Variants in NIBAN1 observed in about 807,000 individuals in gnomAD.
NIBAN1 encodes niban apoptosis regulator 1.
In NIBAN1, 81 loss-of-function variants were observed where a neutral mutation model predicts 75.1. The ratio of observed to expected loss-of-function variants is 1.08; its 90% confidence interval spans 0.90 to 1.30. The LOEUF (loss-of-function observed/expected upper bound fraction) is 1.30. Ranked by LOEUF, NIBAN1 falls within the 50% of genes most tolerant of loss-of-function variation. The pLI, the probability that NIBAN1 is intolerant of heterozygous loss-of-function variation, is 0.00. For missense variants in NIBAN1, 1,133 were observed against 1,128.1 expected (o/e 1.00, Z -0.06); for synonymous variants, 436 against 424.8 (o/e 1.03, Z -0.32).
chr1:184,888,354 C>T (rs1218121157), intron 4 of NIBAN1, among the ~76,000 whole-genome samples: 4 of 152,144 alleles, frequency 2.6e-5, no homozygotes, highest in Non-Finnish European at 4.4e-5. Flanking sequence ...ATCAAACAAT[C>T]CTCCTTGCCC....
intron 6 of NIBAN1, among the ~76,000 whole-genome samples, chr1:184,827,578 G>C (rs1357727292): frequency 1.5e-4 from 2 of 13,230 alleles, no homozygotes; most frequent in Non-Finnish European, 3.3e-4. Flanking sequence ...TTTTTTTAAT[G>C]GGGGGTGTTG....
Position 184,911,062 on chromosome 1 carries a change from TACAC to T in NIBAN1, c.56-11757_56-11754del, listed in dbSNP as rs35550596. 1.1e-3 allele frequency among the ~76,000 whole-genome samples: 163 copies of T among 144,426 alleles called. 1 individual carries two copies. Among genetic ancestry groups the T allele is most frequent in the African/African-American group, 3.2e-3 (128 of 39,510 alleles). The allele number at this position is 144,426 out of a possible 152,430, so 94.7% of individuals were successfully genotyped here. A position where few individuals can be genotyped will look rare whatever the true frequency, so the allele number is the denominator to read the frequency against. On this transcript the variant is annotated intron_variant, in intron 1 of 13. Coordinates refer to ENST00000367511, the MANE Select transcript of NIBAN1 (RefSeq NM_052966.4). ...GTGTGGGCCAATTCTTTATAACAAATACACACACACACACACACACACACACACA... is the reference window on the plus strand; with the variant it reads ...GTGTGGGCCAATTCTTTATAACAAATACACACACACACACACACACACACA...
At chr1:184,910,337 T>C (rs943112745) in intron 1 of NIBAN1, among the ~76,000 whole-genome samples, 1 of 152,126 alleles carries the variant, frequency 6.6e-6, no homozygotes, top group Non-Finnish European at 1.5e-5. Context: ...CATATACTGA[T>C]GAAAACATCA....
intron 2 of NIBAN1, among the ~76,000 whole-genome samples, chr1:184,895,855 CT>C (rs966275886): frequency 2.0e-5 from 3 of 152,128 alleles, no homozygotes; most frequent in African/African-American, 7.2e-5. Flanking sequence ...GGATAATGGC[CT>C]CCAGCTCCAT....
chr1:184,881,559 G>T (rs1381579155), intron 5 of NIBAN1, among the ~76,000 whole-genome samples: 1 of 152,116 alleles, frequency 6.6e-6, no homozygotes, highest in Non-Finnish European at 1.5e-5. Flanking sequence ...AGAATTCAGG[G>T]CGAGTGCACA....
At chr1:184,971,287 A>AAAAAG (rs1411136916) in intron 1 of NIBAN1, among the ~76,000 whole-genome samples, 2 of 152,142 alleles carry the variant, frequency 1.3e-5, no homozygotes, top group Non-Finnish European at 2.9e-5. Context: ...AGAAAACTAA[A>AAAAAG]AAAAGAAAAG....
chr1:184,953,902 A>T (rs186443995), intron 1 of NIBAN1, among the ~76,000 whole-genome samples: 1 of 152,382 alleles, frequency 6.6e-6, no homozygotes, highest in Non-Finnish European at 1.5e-5. Context: ...AAAATGAGAC[A>T]ACCTCAGAGT....
intron 9 of NIBAN1, 48 bp from the exon 10 acceptor site, chr1:184,808,283 G>A (rs371157692): frequency 2.7e-5 from 42 of 1,569,432 alleles, no homozygotes; most frequent in Admixed American, 1.2e-4. Context: ...AATGAGGAGC[G>A]GTATTGCATA....
At chr1:184,907,202 G>GT (rs1657127665) in intron 1 of NIBAN1, among the ~76,000 whole-genome samples, 4 of 128,898 alleles carry the variant, frequency 3.1e-5, no homozygotes, top group Admixed American at 3.0e-4. Flanking sequence ...TTTAGCTTTG[G>GT]TTTTTCCTAT....
rs186535382 is a variant in NIBAN1, at chr1:184,950,375, T to A, written c.55+23927A>T. Among the ~76,000 whole-genome samples, 4 of 152,206 alleles carry A rather than the reference T, an allele frequency of 2.6e-5. No individual in the cohort carries two copies. In the East Asian group the frequency reaches 5.8e-4, roughly 22 times the overall value. On this transcript the variant is annotated intron_variant, in intron 1 of 13. Coordinates refer to ENST00000367511, the MANE Select transcript of NIBAN1 (RefSeq NM_052966.4). ...GGAGTTAATATAATTTATTCCCCAA[T>A]GTAATTTTCTCCACATTCTTAGGCA...
intron 13 of NIBAN1, among the ~76,000 whole-genome samples, chr1:184,796,355 A>G (rs951567300): frequency 2.0e-5 from 3 of 152,176 alleles, no homozygotes; most frequent in African/African-American, 7.2e-5. Flanking sequence ...GAGATGAATA[A>G]ACTATAGCCT....
intron 1 of NIBAN1, among the ~76,000 whole-genome samples, chr1:184,972,804 C>A (rs1255127971): frequency 6.6e-6 from 1 of 152,222 alleles, no homozygotes; most frequent in African/African-American, 2.4e-5. Flanking sequence ...CAACAAATGG[C>A]ACGGCCAGGA....
At chr1:184,898,181 T>C (rs796527706) in intron 2 of NIBAN1, among the ~76,000 whole-genome samples, 3 of 152,188 alleles carry the variant, frequency 2.0e-5, no homozygotes, top group African/African-American at 7.2e-5. Flanking sequence ...CTTCCCTCTG[T>C]GTGGCAGGGT....
intron 5 of NIBAN1, among the ~76,000 whole-genome samples, chr1:184,874,388 A>C (rs1162824426): frequency 6.6e-6 from 1 of 152,094 alleles, no homozygotes; most frequent in Non-Finnish European, 1.5e-5. Context: ...TAAATGATGT[A>C]TATGTACCAT....
At chr1:184,916,806 C>T (rs566138014) in intron 1 of NIBAN1, among the ~76,000 whole-genome samples, 3 of 152,070 alleles carry the variant, frequency 2.0e-5, no homozygotes, top group Non-Finnish European at 4.4e-5. Flanking sequence ...TTTCTTTTCT[C>T]GTTTAAACCT....
chr1:184,807,741 C>T (rs1480507878), intron 10 of NIBAN1, among the ~76,000 whole-genome samples: 1 of 152,162 alleles, frequency 6.6e-6, no homozygotes, highest in East Asian at 1.9e-4. Flanking sequence ...TGCAGTGAGC[C>T]AAGATCATGC....
At chr1:184,860,655 C>T (rs539932801) in intron 5 of NIBAN1, among the ~76,000 whole-genome samples, 1 of 152,278 alleles carries the variant, frequency 6.6e-6, no homozygotes, top group Admixed American at 6.5e-5. Context: ...TATGAATGGG[C>T]ACTGACAATA....
chr1:184,815,349 C>T (rs1226690297), intron 9 of NIBAN1, among the ~76,000 whole-genome samples: 1 of 152,170 alleles, frequency 6.6e-6, no homozygotes, highest in Non-Finnish European at 1.5e-5. Flanking sequence ...TTGCCCTCCA[C>T]ACTACAGCAA....
At chr1:184,842,818 A>T (rs1410343846) in intron 5 of NIBAN1, among the ~76,000 whole-genome samples, 1 of 152,166 alleles carries the variant, frequency 6.6e-6, no homozygotes, top group East Asian at 1.9e-4. Context: ...TTCTGATTCA[A>T]CAGACCTGGA....
Sources: gnomAD v4.1 joint callset for allele counts (sites outside exome capture counted in the v4.1 genomes callset) on GRCh38, gnomAD v4.1.1 for gene constraint, MANE v1.5 for transcripts, NCBI Gene and HGNC (gene_info 2026-07-23, HGNC 2026-07-21) for gene names.